Variants in CEP112 observed in about 807,000 individuals in gnomAD.
CEP112 encodes centrosomal protein of 112 kDa.
CEP112 carries 127 observed loss-of-function variants against 153.0 expected under a neutral mutation model. That is an observed-to-expected ratio of 0.83 (90% confidence interval 0.72 to 0.96). CEP112 has a LOEUF of 0.96. CEP112 is among the 40% of genes least tolerant of loss of function. The probability of loss-of-function intolerance (pLI) is 0.00; values close to 1 mark genes in which losing one functional copy is unlikely to be tolerated. For synonymous variants in CEP112, 358 were observed against 374.4 expected, an observed-to-expected ratio of 0.96 and a Z score of 0.51; for missense variants, 1,089 against 1,101.2, an observed-to-expected ratio of 0.99 and a Z score of 0.16.
chr17:65,772,875 GAATATTAAAGGGT>G (rs2053457363), intron 21 of CEP112, among the ~76,000 whole-genome samples: 1 of 148,918 alleles, frequency 6.7e-6, no homozygotes, highest in Non-Finnish European at 1.5e-5. Context: ...ATAAGGAGGT[GAATATTAAAGGGT>G]AATGATGATA....
chr17:66,166,554 C>T (rs781008573), intron 4 of CEP112, among the ~76,000 whole-genome samples: 1 of 151,990 alleles, frequency 6.6e-6, no homozygotes, highest in Non-Finnish European at 1.5e-5. Flanking sequence ...CTTTTGTGTT[C>T]TTTGAGATAA....
chr17:65,725,344 G>C (rs571926422), intron 23 of CEP112, among the ~76,000 whole-genome samples: 132 of 152,242 alleles, frequency 8.7e-4, no homozygotes, highest in Non-Finnish European at 1.6e-3. Context: ...TTGAGACAGA[G>C]TCTCACTCTG....
chr17:65,739,899 T>C (rs952350417), intron 23 of CEP112, among the ~76,000 whole-genome samples: 2 of 152,192 alleles, frequency 1.3e-5, no homozygotes, highest in African/African-American at 4.8e-5. Flanking sequence ...TAATGTTCAA[T>C]GGATTTCTTC....
intron 4 of CEP112, among the ~76,000 whole-genome samples, chr17:66,170,209 GGAT>G (rs1402204216): frequency 1.3e-5 from 2 of 151,932 alleles, no homozygotes; most frequent in African/African-American, 4.8e-5. Flanking sequence ...CAAGGGGAGG[GGAT>G]TATATAAGGG....
chr17:66,005,726 G>A lies in CEP112; in HGVS notation c.1700C>T (p.Thr567Ile). The A allele has an allele frequency of 2.5e-6, 4 of 1,609,558 alleles. No individual in the cohort carries two copies. Among genetic ancestry groups the A allele is most frequent in the South Asian group, 1.1e-5 (1 of 90,292 alleles). The change falls in exon 17 of 27, where the codon ACT (threonine) becomes ATT (isoleucine). Residue 567 changes from threonine (T) to isoleucine (I), a missense_variant. Coordinates refer to ENST00000535342, the MANE Select transcript of CEP112 (RefSeq NM_001199165.4). ...CTCAAATTTATGAATTTTCTTTTGA[G>A]TATCTTCTTTTCCTTTATCAAGTTC... Reference protein sequence around the residue: ...QSELDKGKEDTQKKIHKFEEA... With the variant: ...QSELDKGKEDIQKKIHKFEEA...
intron 17 of CEP112, among the ~76,000 whole-genome samples, chr17:65,969,665 G>A (rs116174478): frequency 6.6e-6 from 1 of 152,270 alleles, no homozygotes; most frequent in Non-Finnish European, 1.5e-5. Flanking sequence ...GTATAACACT[G>A]CATATTGCAT....
chr17:66,155,983 G>T (rs1458072249), intron 4 of CEP112, among the ~76,000 whole-genome samples: 1 of 152,196 alleles, frequency 6.6e-6, no homozygotes, highest in African/African-American at 2.4e-5. Flanking sequence ...CTTCCTTCCT[G>T]TTGGCTCTGA....
chr17:66,189,206 A>G (rs2073065932), intron 1 of CEP112, among the ~76,000 whole-genome samples: 1 of 152,198 alleles, frequency 6.6e-6, no homozygotes, highest in Non-Finnish European at 1.5e-5. Flanking sequence ...AACTAATTAA[A>G]AAGTATTTTG....
At chr17:65,792,190 CA>C (rs2054627150) in intron 21 of CEP112, among the ~76,000 whole-genome samples, 1 of 152,118 alleles carries the variant, frequency 6.6e-6, no homozygotes, top group Admixed American at 6.6e-5. Flanking sequence ...TAATCCATGA[CA>C]AAATATAATG....
Position 66,114,022 on chromosome 17 carries a change from A to G in CEP112, c.642+15724T>C, listed in dbSNP as rs184739751. ...TCTCTCATACTACCTCAAAAAAAGA[A>G]TACCACAATAAATGTCCAAAATGGA... On this transcript the variant is annotated intron_variant, in intron 6 of 26. Coordinates refer to ENST00000535342, the MANE Select transcript of CEP112 (RefSeq NM_001199165.4). Among the ~76,000 whole-genome samples the G allele has an allele frequency of 4.6e-5, 7 of 152,354 alleles. No homozygotes were observed. In the East Asian group the frequency reaches 9.6e-4, roughly 21 times the overall value.
intron 22 of CEP112, among the ~76,000 whole-genome samples, chr17:65,749,179 T>C (rs73338876): frequency 2.0e-5 from 3 of 152,158 alleles, no homozygotes; most frequent in African/African-American, 7.2e-5. Flanking sequence ...GGACAAAGAC[T>C]TTTTGCTTTT....
intron 13 of CEP112, among the ~76,000 whole-genome samples, 185 bp downstream of exon 13, chr17:66,029,684 C>A (rs2065378741): frequency 6.6e-6 from 1 of 151,840 alleles, no homozygotes; most frequent in African/African-American, 2.4e-5. Flanking sequence ...GTCTGGGTGA[C>A]AGACAGAGAC....
chr17:65,924,018 C>T (rs1328288010), intron 19 of CEP112, among the ~76,000 whole-genome samples: 1 of 151,950 alleles, frequency 6.6e-6, no homozygotes, highest in Non-Finnish European at 1.5e-5. Context: ...GCTCTGTCAC[C>T]CAGGCTGGAG....
intron 21 of CEP112, among the ~76,000 whole-genome samples, chr17:65,817,976 G>A (rs2056356809): frequency 6.6e-6 from 1 of 151,798 alleles, no homozygotes; most frequent in African/African-American, 2.4e-5. Flanking sequence ...AAAAACCTGT[G>A]TTAAAATATA....
At chr17:66,059,766 T>C (rs2066848520) in intron 11 of CEP112, among the ~76,000 whole-genome samples, 1 of 152,112 alleles carries the variant, frequency 6.6e-6, no homozygotes, top group Non-Finnish European at 1.5e-5. Flanking sequence ...TTAGAACAAC[T>C]ACCATTTGAC....
At position 65,635,723 on chromosome 17, in the gene CEP112, G is replaced by A. The variant is rs2044737286; in HGVS notation, c.*248C>T. ...CTTTGCCCAATATAAGCAGTTCTCA[G>A]CACATACTCAAATGCACACAAACAT... On this transcript the variant is annotated 3_prime_UTR_variant, in exon 27 of 27. Transcript: ENST00000535342. 1 of 556,780 alleles carries A rather than the reference G, an allele frequency of 1.8e-6. No individual in the cohort carries two copies. Among genetic ancestry groups the A allele is most frequent in the African/African-American group, 1.9e-5 (1 of 52,624 alleles). The allele number at this position is 556,780 out of a possible 1,614,324, so 34.5% of individuals were successfully genotyped here. A position where few individuals can be genotyped will look rare whatever the true frequency, so the allele number is the denominator to read the frequency against.
At chr17:65,855,265 T>C (rs2058087496) in intron 20 of CEP112, among the ~76,000 whole-genome samples, 1 of 152,184 alleles carries the variant, frequency 6.6e-6, no homozygotes, top group Admixed American at 6.5e-5. Context: ...TCTGTTCCAT[T>C]ACCATGTTGG....
At chr17:65,699,793 G>GT (rs1316433447) in intron 23 of CEP112, among the ~76,000 whole-genome samples, 1 of 152,054 alleles carries the variant, frequency 6.6e-6, no homozygotes, top group Non-Finnish European at 1.5e-5. Flanking sequence ...GCACCTGGCT[G>GT]TTTTTGTTGG....
intron 21 of CEP112, among the ~76,000 whole-genome samples, chr17:65,839,313 A>T (rs1453658020): frequency 1.3e-5 from 2 of 152,158 alleles, no homozygotes; most frequent in African/African-American, 4.8e-5. Flanking sequence ...ATTCATCATG[A>T]TCAAGTGGGA....
Sources: allele counts gnomAD v4.1 joint callset (sites outside exome capture counted in the v4.1 genomes callset), GRCh38; gene constraint gnomAD v4.1.1; transcripts MANE v1.5; gene names NCBI Gene and HGNC (gene_info 2026-07-23, HGNC 2026-07-21).